The following TRPM3 variants were observed in gnomAD, a reference collection of about 807,000 sequenced individuals.
TRPM3 encodes the protein long transient receptor potential channel 3.
In TRPM3, 77 loss-of-function variants were observed where a neutral mutation model predicts 181.2. The observed-to-expected ratio is 0.42, with a 90% CI of 0.35 to 0.51. TRPM3 has a LOEUF of 0.51. TRPM3 is among the 20% of genes least tolerant of loss of function. TRPM3 has a pLI of 0.01. For synonymous variants in TRPM3, 745 were observed against 796.4 expected (o/e 0.94, Z 1.09); for missense variants, 1,759 against 2,196.7 (o/e 0.80, Z 3.98).
intron 6 of TRPM3, among the ~76,000 whole-genome samples, chr9:70,787,763 C>CTTTTTTTTTTTTTTTTT: frequency 1.2e-4 from 8 of 68,556 alleles, no homozygotes; most frequent in South Asian, 8.4e-4. Flanking sequence ...TTTTTGGATT[C>CTTTTTTTTTTTTTTTTT]TTTTTTTTTT....
At position 71,420,739 on chromosome 9, in the gene TRPM3, GAGAGAGA is replaced by G. The variant is rs1565557142; in HGVS notation, c.183+25907_183+25913del. ...AGAGAGAAAGAGAGAGAGAGAGAAA[GAGAGAGA>G]AAGAGAGAGAAAGAGAGAGAAAGAG... On this transcript the variant is annotated intron_variant, in intron 1 of 24. Transcript: ENST00000357533. 1.0e-3 allele frequency among the ~76,000 whole-genome samples: 92 copies of G among 91,118 alleles called. 1 individual carries two copies. The highest frequency in any genetic ancestry group is 1.7e-3 in the Non-Finnish European group (76 of 44,274). 59.8% of individuals were successfully genotyped at this position (91,118 alleles called of 152,430 possible).
At chr9:71,137,922 T>A (rs1249425472) in intron 1 of TRPM3, among the ~76,000 whole-genome samples, 2 of 151,994 alleles carry the variant, frequency 1.3e-5, no homozygotes, top group Non-Finnish European at 2.9e-5. Flanking sequence ...TTCAAGATCA[T>A]CCTGGCCAAC....
intron 1 of TRPM3, among the ~76,000 whole-genome samples, chr9:71,363,585 A>C (rs1244728608): frequency 2.0e-5 from 3 of 152,190 alleles, no homozygotes; most frequent in Non-Finnish European, 4.4e-5. Context: ...TATAAAATAC[A>C]TTTGCCAGAA....
At chr9:70,850,676 C>T (rs777460097) in intron 3 of TRPM3, among the ~76,000 whole-genome samples, 27 of 152,142 alleles carry the variant, frequency 1.8e-4, no homozygotes, top group Non-Finnish European at 3.4e-4. Context: ...GGTTTAGCGA[C>T]TTGAATAGTT....
chr9:70,845,272 T>C (rs2094906128), intron 4 of TRPM3, among the ~76,000 whole-genome samples: 1 of 152,100 alleles, frequency 6.6e-6, no homozygotes, highest in African/African-American at 2.4e-5. Context: ...AGAGTTTTGC[T>C]CTTGTTGCCC....
At position 70,980,554 on chromosome 9, in the gene TRPM3, G is replaced by C. The variant is rs566872867; in HGVS notation, c.178-116043C>G. On this transcript the variant is annotated intron_variant, in intron 1 of 25. Coordinates refer to ENST00000677713, the MANE Select transcript of TRPM3 (RefSeq NM_001366145.2). ...TGCTCACTTCTGGAGGCTGCTCCCC[G>C]GGGTTCTGAGGCATCTGCTTCTTGT... Among the ~76,000 whole-genome samples, 5 of 152,176 alleles carry C rather than the reference G, an allele frequency of 3.3e-5. No individual in the cohort carries two copies. In the South Asian group the frequency reaches 1.0e-3, roughly 32 times the overall value.
chr9:71,127,070 A>C (rs2074080194), intron 1 of TRPM3, among the ~76,000 whole-genome samples: 2 of 149,654 alleles, frequency 1.3e-5, no homozygotes, highest in Non-Finnish European at 3.0e-5. Flanking sequence ...TTAGGAAAAA[A>C]CAAAAACAAA....
chr9:70,747,769 A>G (rs2075434872), intron 8 of TRPM3, among the ~76,000 whole-genome samples: 2 of 151,972 alleles, frequency 1.3e-5, no homozygotes, highest in African/African-American at 4.8e-5. Context: ...AAGTTTGCCA[A>G]CCCCTGCAGT....
chr9:71,395,767 G>A (rs2093175944), intron 1 of TRPM3, among the ~76,000 whole-genome samples: 1 of 152,336 alleles, frequency 6.6e-6, no homozygotes. Flanking sequence ...TCCTGGGCAA[G>A]CTTCATATCA....
chr9:71,282,406 GAAAGAA>G (rs1285396247), intron 1 of TRPM3, among the ~76,000 whole-genome samples: 2 of 109,778 alleles, frequency 1.8e-5, no homozygotes, highest in African/African-American at 4.0e-5. Context: ...GAAAGGAAAA[GAAAGAA>G]AAAGAAAAAG....
intron 1 of TRPM3, among the ~76,000 whole-genome samples, chr9:71,190,374 C>G (rs2077941766): frequency 6.6e-6 from 1 of 151,848 alleles, no homozygotes; most frequent in African/African-American, 2.4e-5. Context: ...GAATACTAGC[C>G]TTTTTTATAT....
chr9:71,137,716 T>C (rs915601613), intron 1 of TRPM3, among the ~76,000 whole-genome samples: 28 of 152,332 alleles, frequency 1.8e-4, no homozygotes, highest in African/African-American at 4.8e-4. Context: ...TTCTGTAAAA[T>C]GTCCAAAAGG....
chr9:71,212,730 G>A (rs753001412), intron 1 of TRPM3, among the ~76,000 whole-genome samples: 3 of 152,028 alleles, frequency 2.0e-5, no homozygotes, highest in Non-Finnish European at 2.9e-5. Context: ...AATTGTCAGC[G>A]GAAGATTTTT....
chr9:71,083,041 A>G (rs1325420162), intron 1 of TRPM3, among the ~76,000 whole-genome samples: 1 of 152,042 alleles, frequency 6.6e-6, no homozygotes, highest in East Asian at 1.9e-4. Context: ...TGTTCCAGGG[A>G]ATAGCCTTCA....
At chr9:71,108,373 C>A (rs950533354) in intron 1 of TRPM3, among the ~76,000 whole-genome samples, 1 of 152,108 alleles carries the variant, frequency 6.6e-6, no homozygotes, top group Non-Finnish European at 1.5e-5. Flanking sequence ...GTTAGTGAAG[C>A]ACTGTGCCTG....
At position 71,134,014 on chromosome 9, in the gene TRPM3, T is replaced by TGC. The variant is rs373984405; in HGVS notation, c.184-269505_184-269504dup. 1.9e-4 allele frequency among the ~76,000 whole-genome samples: 26 copies of TGC among 140,038 alleles called. 1 individual carries two copies. Among genetic ancestry groups the TGC allele is most frequent in the East Asian group, 1.1e-3 (5 of 4,422 alleles). The allele number at this position is 140,038 out of a possible 152,430, so 91.9% of individuals were successfully genotyped here. On this transcript the variant is annotated intron_variant, in intron 1 of 24. Transcript: ENST00000357533. ...GTGTGTGTGTGTGTGTGTGTGTGTG[T>TGC]GCGCGTGCGCGCGCGCGCGTGTCTG...
At chr9:71,431,225 G>A (rs79970710) in intron 1 of TRPM3, among the ~76,000 whole-genome samples, 1,866 of 152,118 alleles carry the variant, frequency 0.012, 40 homozygotes, top group African/African-American at 0.043. Context: ...CAAGTGTTCC[G>A]TAAGTTTCAC....
chr9:70,677,153 G>A (rs552870495), intron 9 of TRPM3, among the ~76,000 whole-genome samples: 2 of 152,020 alleles, frequency 1.3e-5, no homozygotes, highest in African/African-American at 2.4e-5. Context: ...CATAAGACAC[G>A]CCCTCCAGTG....
chr9:70,938,888 G>T (rs1003266832), intron 1 of TRPM3, among the ~76,000 whole-genome samples: 1 of 151,696 alleles, frequency 6.6e-6, no homozygotes, highest in Non-Finnish European at 1.5e-5. Flanking sequence ...AACCTGGGAG[G>T]CAGAGCTTGC....
Sources: gnomAD v4.1 joint callset for allele counts (sites outside exome capture counted in the v4.1 genomes callset) on GRCh38, gnomAD v4.1.1 for gene constraint, MANE v1.5 for transcripts, NCBI Gene and HGNC (gene_info 2026-07-23, HGNC 2026-07-21) for gene names.